Variants in CCNF observed in about 807,000 individuals in gnomAD.
CCNF encodes the protein cyclin-F.
In CCNF, 30 loss-of-function variants were observed where a neutral mutation model predicts 85.4. The ratio of observed to expected loss-of-function variants is 0.35; its 90% CI spans 0.26 to 0.48. The LOEUF is 0.48. Among genes scored for constraint, CCNF ranks in the 20% least tolerant of loss-of-function variants. The pLI, the probability that CCNF is intolerant of heterozygous loss-of-function variation, is 0.99. For synonymous variants in CCNF, 439 were observed against 425.1 expected (o/e 1.03, Z -0.40); for missense variants, 919 against 1,010.4 (o/e 0.91, Z 1.23).
Position 2,456,603 on chromosome 16 carries a change from T to C in CCNF, c.1944T>C (p.His648=), listed in dbSNP as rs1302790938. Residue 648 remains histidine (H), a synonymous_variant, in exon 17 of 17, where the codon CAT becomes CAC. Coordinates refer to ENST00000397066, the MANE Select transcript of CCNF (RefSeq NM_001761.3). This position sits in a 1 kb window ranked among gnomAD's most constrained non-coding sequence, Gnocchi z 4.5. ...TGGTCTACCTGAACCCAGAACAGCA[T>C]TGCTGCCAGGAATCCAGTGATGAGG... The part of the protein sequence containing the change: ...VTVVYLNPEQ[H]CCQESSDEEA... 12 of 1,599,994 alleles carry C rather than the reference T, an allele frequency of 7.5e-6. No homozygotes were observed. Among genetic ancestry groups the C allele is most frequent in the South Asian group, 1.1e-5 (1 of 89,254 alleles).
At position 2,453,588 on chromosome 16, in the gene CCNF, C is replaced by G; in HGVS notation, c.1715+51C>G. ...GCCATACAATGCTGGCATCCTCGTG[C>G]CGGCCCAGTTCCCTCAGCGCTTCCT... is the stretch of plus-strand genomic sequence containing the variant. On this transcript the variant is annotated intron_variant, in intron 15 of 16. Transcript: ENST00000397066. The surrounding 1 kb of genome is among the most constrained non-coding windows in gnomAD (Gnocchi z 5.6). 6.2e-7 allele frequency: 1 copy of G among 1,609,456 alleles called. No individual in the cohort carries two copies. The highest frequency in any genetic ancestry group is 2.2e-5 in the East Asian group (1 of 44,834).
chr16:2,452,358 C>T lies in CCNF; in HGVS notation c.1488-852C>T, dbSNP rs997481950. 2.6e-5 allele frequency among the ~76,000 whole-genome samples: 4 copies of T among 152,158 alleles called. No homozygotes were observed. The highest frequency in any genetic ancestry group is 4.8e-5 in the African/African-American group (2 of 41,414). ...TCATGCTGCTTTCTCCTGCAGTGCC[C>T]GGACCCTGTGCCTTCTGGGCAAGGA... On this transcript the variant is annotated intron_variant, in intron 13 of 16. Transcript: ENST00000397066. This position sits in a 1 kb window ranked among gnomAD's most constrained non-coding sequence, Gnocchi z 4.1.
At position 2,456,081 on chromosome 16, in the gene CCNF, A is replaced by C. The variant is rs1379855053; in HGVS notation, c.1886-464A>C. On this transcript the variant is annotated intron_variant, in intron 16 of 16. Transcript: ENST00000397066. This position sits in a 1 kb window ranked among gnomAD's most constrained non-coding sequence, Gnocchi z 4.5. ...GAGGCTGAGGTGGGAGGATCTCTTG[A>C]GCACAGGAGGTGGGAGCTGCAGTGA... Among the ~76,000 whole-genome samples, 2 of 152,194 alleles carry C rather than the reference A, an allele frequency of 1.3e-5. No individual in the cohort carries two copies. Among genetic ancestry groups the C allele is most frequent in the Admixed American group, 1.3e-4 (2 of 15,286 alleles).
Position 2,437,250 on chromosome 16 carries a change from G to A in CCNF, c.468G>A (p.Pro156=), listed in dbSNP as rs1257471235. 25 of 1,611,620 alleles carry A rather than the reference G, an allele frequency of 1.6e-5. No individual in the cohort carries two copies. The highest frequency in any genetic ancestry group is 2.2e-5 in the South Asian group (2 of 91,012). ...TCATCTGGCTCTTCATCCGCCCTCC[G>A]TGGTCGGTGAGCGGAAGCTGCTGCA... The part of the protein sequence containing the change: ...APFIWLFIRP[P]WSVSGSCCKA... The change falls in exon 5 of 17, where the codon CCG becomes CCA. Residue 156 remains proline (P), a synonymous_variant. Coordinates refer to ENST00000397066, the MANE Select transcript of CCNF (RefSeq NM_001761.3).
chr16:2,450,976 C>T (rs1013178610), intron 13 of CCNF, among the ~76,000 whole-genome samples: 2 of 152,198 alleles, frequency 1.3e-5, no homozygotes, highest in Non-Finnish European at 2.9e-5. Flanking sequence ...CGGATGTGAC[C>T]CCCTGTCTGC....
chr16:2,445,160 G>A (rs897476619), intron 9 of CCNF, among the ~76,000 whole-genome samples: 4 of 152,164 alleles, frequency 2.6e-5, no homozygotes, highest in Admixed American at 1.3e-4. Context: ...ATCCACTGTG[G>A]GCAGACCAAC....
At chr16:2,442,313 T>C (rs1325669519) in intron 8 of CCNF, among the ~76,000 whole-genome samples, 9 of 133,700 alleles carry the variant, frequency 6.7e-5, no homozygotes, top group Non-Finnish European at 7.7e-5. Flanking sequence ...AGCCCTTAAT[T>C]ATATATATAT....
At chr16:2,443,094 G>A (rs1309851575) in intron 8 of CCNF, among the ~76,000 whole-genome samples, 1 of 45,676 alleles carries the variant, frequency 2.2e-5, no homozygotes, top group Non-Finnish European at 3.2e-5. Context: ...ATATATAATA[G>A]ATATTTTTAT....
At chr16:2,435,076 C>G (rs925582111) in intron 3 of CCNF, among the ~76,000 whole-genome samples, 1 of 151,446 alleles carries the variant, frequency 6.6e-6, no homozygotes, top group African/African-American at 2.4e-5. Flanking sequence ...ATGGTGAAAC[C>G]CCGTCTCTAC....
At position 2,455,513 on chromosome 16, in the gene CCNF, T is replaced by G. The variant is rs2065422009; in HGVS notation, c.1834T>G (p.Cys612Gly). 6.2e-7 allele frequency: 1 copy of G among 1,606,446 alleles called. No individual in the cohort carries two copies. The highest frequency in any genetic ancestry group is 1.3e-5 in the African/African-American group (1 of 74,924). ...CTTCCTCGACTGGAGCCTGGACTGC[T>G]GCTCTGGCTATGAAGGCGACCAGGA... ...GSFLDWSLDCCSGYEGDQESE... is the reference protein window; with the variant it reads ...GSFLDWSLDCGSGYEGDQESE... The change falls in exon 16 of 17, where the codon TGC becomes GGC. Residue 612 changes from cysteine (C) to glycine (G), a missense_variant. Physicochemically the swap from Cys to Gly is radical, Grantham distance 159. Coordinates refer to ENST00000397066, the MANE Select transcript of CCNF (RefSeq NM_001761.3).
chr16:2,436,967 A>C, intron 4 of CCNF, 162 bp from the exon 5 acceptor site: 1 of 531,080 alleles, frequency 1.9e-6, no homozygotes, highest in East Asian at 3.0e-5. Context: ...AGGGGGAGAA[A>C]AGACAGGTGC....
intron 6 of CCNF, 60 bp downstream of exon 6, chr16:2,438,183 C>G (rs1387931544): frequency 7.9e-7 from 1 of 1,263,190 alleles, no homozygotes; most frequent in Non-Finnish European, 1.2e-6. Context: ...AGCCGAGATC[C>G]TGGAACTGAA....
rs2141824569 is a variant in CCNF at position 2,445,584 on chromosome 16, C to T, written c.1056C>T (p.Leu352=). ...LRRRLVPRYR[L]QLLGIACMVI... is the part of the protein sequence containing the mutation. ...GGAGGCTGGTGCCGCGGTACAGGCT[C>T]CAGCTGCTGGGCATCGCCTGCATGG... The change falls in exon 10 of 17, where the codon CTC becomes CTT. Residue 352 remains leucine, a synonymous_variant. Coordinates refer to ENST00000397066, the MANE Select transcript of CCNF (RefSeq NM_001761.3). The T allele has an allele frequency of 1.2e-6, 2 of 1,613,614 alleles. No individual in the cohort carries two copies. The highest frequency in any genetic ancestry group is 1.7e-6 in the Non-Finnish European group (2 of 1,180,018).
In CCNF at chr16:2,437,928, A is replaced by T. The variant is rs1315676043; in HGVS notation, c.541-142A>T. ...TAAAAAAAAAAAAAAAAAAAGACTG[A>T]AATCTGGGAGTGGCCCTCTGCAGGG... On this transcript the variant is annotated intron_variant, in intron 5 of 16. Coordinates refer to ENST00000397066, the MANE Select transcript of CCNF (RefSeq NM_001761.3). 16 of 580,316 alleles carry T rather than the reference A, an allele frequency of 2.8e-5. No homozygotes were observed. The East Asian group carries it at 4.6e-4, about 17-fold the overall frequency. 35.9% of individuals were successfully genotyped at this position (580,316 alleles called of 1,614,324 possible). A position where few individuals can be genotyped will look rare whatever the true frequency, so the allele number is the denominator to read the frequency against.
In CCNF at chr16:2,455,288, C is replaced by T. The variant is rs565892735; in HGVS notation, c.1716-107C>T. 2.1e-5 allele frequency: 29 copies of T among 1,356,166 alleles called. No homozygotes were observed. In the East Asian group the frequency reaches 3.3e-4, roughly 16 times the overall value. The allele number at this position is 1,356,166 out of a possible 1,614,324, so 84.0% of individuals were successfully genotyped here. On this transcript the variant is annotated intron_variant, in intron 15 of 16. Transcript: ENST00000397066. Reference sequence around the variant, plus strand: ...CTTCGTAGCAGAACCTTTGGGAGCACGTGGTGACAGGCTGGGGCACGCGGG... The same window carrying T: ...CTTCGTAGCAGAACCTTTGGGAGCATGTGGTGACAGGCTGGGGCACGCGGG...
In CCNF at chr16:2,453,304, GA is replaced by G; in HGVS notation, c.1584del (p.Glu529ArgfsTer3). 1 of 1,613,936 alleles carries G rather than the reference GA, an allele frequency of 6.2e-7. No homozygotes were observed. Among genetic ancestry groups the G allele is most frequent in the Non-Finnish European group, 8.5e-7 (1 of 1,180,018 alleles). ...CAAGCGCTATGGAGAAATCAGCCAG[GA>G]AGAGGTGCCTCCCTCCCGCCACCTG... ...EDKRYGEISQ[E>X]EVLSYSQLCA... On this transcript the variant is annotated frameshift_variant, in exon 14 of 17. Transcript: ENST00000397066. LOFTEE classifies it high-confidence loss of function. This position sits in a 1 kb window ranked among gnomAD's most constrained non-coding sequence, Gnocchi z 5.6.
At chr16:2,430,020 C>T (rs1277479665) in intron 1 of CCNF, among the ~76,000 whole-genome samples, 1 of 152,172 alleles carries the variant, frequency 6.6e-6, no homozygotes, top group Non-Finnish European at 1.5e-5. Flanking sequence ...TAGTATCTGT[C>T]CTGGAGCCGG....
At chr16:2,430,463 C>T (rs1324332498) in intron 1 of CCNF, among the ~76,000 whole-genome samples, 1 of 152,114 alleles carries the variant, frequency 6.6e-6, no homozygotes, top group Non-Finnish European at 1.5e-5. Flanking sequence ...GCCCGTCTCA[C>T]CTTTAATGAT....
At chr16:2,439,667 T>C in intron 7 of CCNF, 82 bp from the exon 8 acceptor site, 1 of 1,174,970 alleles carries the variant, frequency 8.5e-7, no homozygotes, top group Non-Finnish European at 1.3e-6. Context: ...GAAGTTAGCG[T>C]AGTGTCGGCC....
Sources: allele counts gnomAD v4.1 joint callset (sites outside exome capture counted in the v4.1 genomes callset), GRCh38; gene constraint gnomAD v4.1.1; non-coding constraint Gnocchi (gnomAD v3.1); transcripts MANE v1.5; gene names NCBI Gene and HGNC (gene_info 2026-07-23, HGNC 2026-07-21).